Variants in PHACTR2 observed in about 807,000 individuals in gnomAD.
The protein encoded by PHACTR2 is phosphatase and actin regulator 2, also known as chromosome 6 open reading frame 56.
A neutral mutation model predicts 76.0 loss-of-function variants in PHACTR2; 30 were observed. The ratio of observed to expected loss-of-function variants is 0.39; its 90% CI spans 0.30 to 0.54. The LOEUF (loss-of-function observed/expected upper bound fraction) is 0.54. PHACTR2 is among the 20% of genes least tolerant of loss of function. PHACTR2 has a pLI of 0.61. For synonymous variants in PHACTR2, 292 were observed against 292.5 expected (o/e 1.00, Z 0.02); for missense variants, 696 against 781.1 (o/e 0.89, Z 1.30).
At chr6:143,725,119 T>C (rs1039895194) in intron 2 of PHACTR2, among the ~76,000 whole-genome samples, 1 of 151,976 alleles carries the variant, frequency 6.6e-6, no homozygotes, top group Non-Finnish European at 1.5e-5. Context: ...AATTTTAATA[T>C]ACGTATAGTT....
Position 143,679,013 on chromosome 6 carries a change from T to G in PHACTR2, c.46+804T>G, listed in dbSNP as rs1777324402. ...GAAATAAATTTAAAAGGTACTATTT[T>G]GATATTTTTCCATCAACGATTAAAA... On this transcript the variant is annotated intron_variant, in intron 1 of 12. Coordinates refer to ENST00000440869, the MANE Select transcript of PHACTR2 (RefSeq NM_001100164.2). This position sits in a 1 kb window ranked among gnomAD's most constrained non-coding sequence, Gnocchi z 4.6. Among the ~76,000 whole-genome samples, 1 of 152,216 alleles carries G rather than the reference T, an allele frequency of 6.6e-6. No individual in the cohort carries two copies. The highest frequency in any genetic ancestry group is 2.4e-5 in the African/African-American group (1 of 41,444).
Position 143,684,293 on chromosome 6 carries a change from T to C in PHACTR2, c.46+6084T>C, listed in dbSNP as rs1777464181. On this transcript the variant is annotated intron_variant, in intron 1 of 12. Coordinates refer to ENST00000440869, the MANE Select transcript of PHACTR2 (RefSeq NM_001100164.2). The surrounding 1 kb of genome is among the most constrained non-coding windows in gnomAD (Gnocchi z 4.3). ...AGTTCTTCCCTTGACTTTCTACATT[T>C]CACCAAATGATACCCCAACCACTCA... 6.6e-6 allele frequency among the ~76,000 whole-genome samples: 1 copy of C among 152,094 alleles called. No individual in the cohort carries two copies. The highest frequency in any genetic ancestry group is 1.5e-5 in the Non-Finnish European group (1 of 68,012).
At chr6:143,717,463 C>A (rs1215666343) in intron 2 of PHACTR2, among the ~76,000 whole-genome samples, 1 of 152,066 alleles carries the variant, frequency 6.6e-6, no homozygotes, top group Non-Finnish European at 1.5e-5. Flanking sequence ...CACATAGGTT[C>A]TTTATGTAAT....
At position 143,537,364 on chromosome 6, in the gene PHACTR2, A is replaced by AC. The variant is rs972657756; in HGVS notation, c.217+158dup. On this transcript the variant is annotated intron_variant, in intron 1 of 11. Transcript: ENST00000367584. The surrounding 1 kb of genome is among the most constrained non-coding windows in gnomAD (Gnocchi z 4.4). ...GGGGAGGGCGGAGGCTGAACTCCCCACACTGCCGCCTCCTCGGCCGCCCGG... is the reference window on the plus strand; with the variant it reads ...GGGGAGGGCGGAGGCTGAACTCCCCACCACTGCCGCCTCCTCGGCCGCCCGG... 1.3e-5 allele frequency among the ~76,000 whole-genome samples: 2 copies of AC among 151,464 alleles called. No individual in the cohort carries two copies. Among genetic ancestry groups the AC allele is most frequent in the Non-Finnish European group, 3.0e-5 (2 of 67,766 alleles).
Position 143,818,317 on chromosome 6 carries a change from C to T in PHACTR2, c.1923-5357C>T, listed in dbSNP as rs978144073. ...TGTAGGTTAGGAAGACAGTCTGGAG[C>T]ATAGCGCGTCCACTTACCAGCTGTC... On this transcript the variant is annotated intron_variant, in intron 12 of 12. Transcript: ENST00000440869. The surrounding 1 kb of genome is among the most constrained non-coding windows in gnomAD (Gnocchi z 4.9). 6.6e-6 allele frequency among the ~76,000 whole-genome samples: 1 copy of T among 152,114 alleles called. No homozygotes were observed. Among genetic ancestry groups the T allele is most frequent in the African/African-American group, 2.4e-5 (1 of 41,426 alleles).
At position 143,695,928 on chromosome 6, in the gene PHACTR2, C is replaced by T. The variant is rs1208174571; in HGVS notation, c.47-16088C>T. 6.6e-6 allele frequency among the ~76,000 whole-genome samples: 1 copy of T among 152,238 alleles called. No individual in the cohort carries two copies. Among genetic ancestry groups the T allele is most frequent in the Non-Finnish European group, 1.5e-5 (1 of 68,040 alleles). ...AAAAGGAACAACAATTTGTATCTGACTAAATAGCGCCTAATCAGTTTCACC... is the reference window on the plus strand; with the variant it reads ...AAAAGGAACAACAATTTGTATCTGATTAAATAGCGCCTAATCAGTTTCACC... On this transcript the variant is annotated intron_variant, in intron 1 of 12. Coordinates refer to ENST00000440869, the MANE Select transcript of PHACTR2 (RefSeq NM_001100164.2). The surrounding 1 kb of genome is among the most constrained non-coding windows in gnomAD (Gnocchi z 4.4).
rs765941538 is a variant in PHACTR2, at chr6:143,791,685, T to G, written c.1845+2775T>G. The stretch of plus-strand genomic sequence containing the variant: ...AAACAAGACATGTTAAATCTCCCAC[T>G]ATGTGGATTTTTTTTTTTACTTCTC... On this transcript the variant is annotated intron_variant, in intron 11 of 12. Coordinates refer to ENST00000440869, the MANE Select transcript of PHACTR2 (RefSeq NM_001100164.2). This position sits in a 1 kb window ranked among gnomAD's most constrained non-coding sequence, Gnocchi z 4.7. Among the ~76,000 whole-genome samples the G allele has an allele frequency of 6.6e-6, 1 of 152,104 alleles. No homozygotes were observed. Among genetic ancestry groups the G allele is most frequent in the Non-Finnish European group, 1.5e-5 (1 of 68,010 alleles).
rs563743775 is a variant in PHACTR2 at position 143,710,641 on chromosome 6, G to A, written c.47-1375G>A. ...GAACCAAGGAGGCGGTGGTTGCAGT[G>A]AGCTGAGATCGCGCCACTGCACTCC... On this transcript the variant is annotated intron_variant, in intron 1 of 12. Transcript: ENST00000440869. The surrounding 1 kb of genome is among the most constrained non-coding windows in gnomAD (Gnocchi z 4.9). Among the ~76,000 whole-genome samples, 53 of 152,148 alleles carry A rather than the reference G, an allele frequency of 3.5e-4. No individual in the cohort carries two copies. The highest frequency in any genetic ancestry group is 5.4e-4 in the Non-Finnish European group (37 of 68,028).
chr6:143,805,190 C>T (rs1199233187), intron 11 of PHACTR2, among the ~76,000 whole-genome samples: 1 of 152,070 alleles, frequency 6.6e-6, no homozygotes, highest in Non-Finnish European at 1.5e-5. Context: ...ATTAAAATAC[C>T]TCCTTTCGGC....
intron 2 of PHACTR2, among the ~76,000 whole-genome samples, chr6:143,712,556 A>G (rs1210862943): frequency 1.3e-5 from 2 of 151,582 alleles, no homozygotes; most frequent in Non-Finnish European, 2.9e-5. Flanking sequence ...GTTAGACTAT[A>G]CTATTTATAT....
intron 12 of PHACTR2, among the ~76,000 whole-genome samples, chr6:143,814,508 C>A (rs1478688237): frequency 6.6e-6 from 1 of 150,780 alleles, no homozygotes; most frequent in Non-Finnish European, 1.5e-5. Flanking sequence ...GGTGAAAGAA[C>A]GTCCAATTAT....
chr6:143,715,934 C>G (rs1174638355), intron 2 of PHACTR2, among the ~76,000 whole-genome samples: 2 of 152,194 alleles, frequency 1.3e-5, no homozygotes, highest in Non-Finnish European at 2.9e-5. Flanking sequence ...AGTCCTATCA[C>G]CTAATGTCTC....
intron 1 of PHACTR2, among the ~76,000 whole-genome samples, chr6:143,706,492 A>T (rs1304320810): frequency 6.6e-6 from 1 of 152,218 alleles, no homozygotes; most frequent in African/African-American, 2.4e-5. Context: ...TGCATGGATC[A>T]TTCTAGCTTT....
chr6:143,711,666 T>C (rs1778178741), intron 1 of PHACTR2, among the ~76,000 whole-genome samples: 1 of 152,206 alleles, frequency 6.6e-6, no homozygotes, highest in South Asian at 2.1e-4. Flanking sequence ...GAACAGCCTA[T>C]TTCACAAATA....
upstream of PHACTR2, among the ~76,000 whole-genome samples, chr6:143,673,206 G>T (rs1323099426): frequency 2.0e-5 from 3 of 152,146 alleles, no homozygotes; most frequent in African/African-American, 7.2e-5. Context: ...CTAGGTGAAT[G>T]AGTAGATGAT....
In PHACTR2 at chr6:143,779,640, G is replaced by A. The variant is rs527466278; in HGVS notation, c.1645+2257G>A. Among the ~76,000 whole-genome samples the A allele has an allele frequency of 6.6e-5, 10 of 152,162 alleles. No individual in the cohort carries two copies. In the East Asian group the frequency reaches 7.7e-4, roughly 12 times the overall value. On this transcript the variant is annotated intron_variant, in intron 9 of 12. Coordinates refer to ENST00000440869, the MANE Select transcript of PHACTR2 (RefSeq NM_001100164.2). The stretch of plus-strand genomic sequence containing the variant: ...TGGGATTACGGGTGTAAGCCACCGT[G>A]CCCGGCCCTAACTAGGGCATCTTTT...
chr6:143,762,139 G>C (rs1480805524), intron 5 of PHACTR2, among the ~76,000 whole-genome samples: 1 of 152,170 alleles, frequency 6.6e-6, no homozygotes, highest in East Asian at 1.9e-4. Flanking sequence ...ACTGCTTAAA[G>C]TGAGGGAGGC....
rs1340331931 is a variant in PHACTR2 at position 143,678,713 on chromosome 6, G to T, written c.46+504G>T. 6.6e-6 allele frequency among the ~76,000 whole-genome samples: 1 copy of T among 152,186 alleles called. No individual in the cohort carries two copies. The highest frequency in any genetic ancestry group is 2.4e-5 in the African/African-American group (1 of 41,454). On this transcript the variant is annotated intron_variant, in intron 1 of 12. Coordinates refer to ENST00000440869, the MANE Select transcript of PHACTR2 (RefSeq NM_001100164.2). The surrounding 1 kb of genome is among the most constrained non-coding windows in gnomAD (Gnocchi z 6.2). ...TACTTAATAACTAGCCCCGAAATGC[G>T]TAATTGTTTCAAATGAGACTTGTTT...
chr6:143,729,080 GC>G (rs1361928885), intron 2 of PHACTR2, among the ~76,000 whole-genome samples: 2 of 152,130 alleles, frequency 1.3e-5, no homozygotes, highest in Non-Finnish European at 2.9e-5. Flanking sequence ...GAAAATATTT[GC>G]AAAATATTCA....
Sources: allele counts gnomAD v4.1 joint callset (sites outside exome capture counted in the v4.1 genomes callset), GRCh38; gene constraint gnomAD v4.1.1; non-coding constraint Gnocchi (gnomAD v3.1); transcripts MANE v1.5; gene names NCBI Gene and HGNC (gene_info 2026-07-23, HGNC 2026-07-21).